Variants in PCDHGA10 observed in about 807,000 individuals in gnomAD.
PCDHGA10 encodes the protein protocadherin gamma subfamily A, 10, also known as protocadherin gamma-A10.
A neutral mutation model predicts 59.5 loss-of-function variants in PCDHGA10; 42 were observed. That is an observed-to-expected ratio of 0.71 (90% CI 0.55 to 0.91). The LOEUF is 0.91. Ranked by LOEUF, PCDHGA10 falls within the 40% of genes least tolerant of loss-of-function variation. PCDHGA10 has a pLI of 0.00. For missense variants in PCDHGA10, 1,111 were observed against 1,198.2 expected (o/e 0.93, Z 1.07); for synonymous variants, 511 against 517.2 (o/e 0.99, Z 0.16).
At chr5:141,510,315 G>A (rs2099880567) in intron 3 of PCDHGA10, among the ~76,000 whole-genome samples, 1 of 151,324 alleles carries the variant, frequency 6.6e-6, no homozygotes, top group African/African-American at 2.4e-5. Flanking sequence ...TGGAGGCTTG[G>A]AAGAGCACTC....
At chr5:141,420,883 C>A (rs992351503) in intron 1 of PCDHGA10, among the ~76,000 whole-genome samples, 1 of 152,216 alleles carries the variant, frequency 6.6e-6, no homozygotes, top group Non-Finnish European at 1.5e-5. Context: ...TATTGTGTAT[C>A]ATCGTTTTTA....
intron 1 of PCDHGA10, chr5:141,478,121 G>A (rs1393103666): frequency 1.2e-6 from 2 of 1,613,918 alleles, no homozygotes; most frequent in South Asian, 1.1e-5. Flanking sequence ...AGTAACCGAG[G>A]ACTCTCCTGA....
chr5:141,427,111 C>G (rs1324091636), intron 1 of PCDHGA10: 7 of 457,560 alleles, frequency 1.5e-5, no homozygotes, highest in South Asian at 1.1e-4. Context: ...GCGGAGATCA[C>G]CTACTCTTTC....
At chr5:141,443,820 T>A (rs1329478151) in intron 1 of PCDHGA10, among the ~76,000 whole-genome samples, 1 of 151,986 alleles carries the variant, frequency 6.6e-6, no homozygotes, top group Non-Finnish European at 1.5e-5. Context: ...TTGGAAAACA[T>A]AATTAGGTAA....
Position 141,414,361 on chromosome 5 carries a change from T to G in PCDHGA10, c.1186T>G (p.Phe396Val). Residue 396 changes from phenylalanine (F) to valine (V), a missense_variant, in exon 1 of 4, where the codon TTT (phenylalanine) becomes GTT (valine). Physicochemically the swap from Phe to Val is conservative, Grantham distance 50. Coordinates refer to ENST00000398610, the MANE Select transcript of PCDHGA10 (RefSeq NM_018913.3). The part of the protein sequence containing the change: ...VTCSILAYLP[F>V]KLEKSIDSYY... ...CTGTTCCATTTTGGCGTATCTACCA[T>G]TTAAATTAGAAAAGTCCATTGACAG... 6.2e-7 allele frequency: 1 copy of G among 1,613,876 alleles called. No individual in the cohort carries two copies. Among genetic ancestry groups the G allele is most frequent in the Non-Finnish European group, 8.5e-7 (1 of 1,179,870 alleles).
chr5:141,509,691 AC>A (rs1471858383), intron 3 of PCDHGA10, among the ~76,000 whole-genome samples: 5 of 152,064 alleles, frequency 3.3e-5, no homozygotes, highest in African/African-American at 1.2e-4. Flanking sequence ...GTACAGTGGG[AC>A]GTTGGACTGG....
In PCDHGA10 at chr5:141,490,376, C is replaced by T. The variant is rs761956816; in HGVS notation, c.2437-4431C>T. 2 of 1,614,184 alleles carry T rather than the reference C, an allele frequency of 1.2e-6. No individual in the cohort carries two copies. The highest frequency in any genetic ancestry group is 1.7e-6 in the Non-Finnish European group (2 of 1,180,036). ...TTGTTTAATGTGCGAGACCGGGACT[C>T]AGGTAGAAATGGTGAAGTGAGCCTT... is the stretch of plus-strand genomic sequence containing the variant. On this transcript the variant is annotated intron_variant, in intron 1 of 3. Transcript: ENST00000398610. The surrounding 1 kb of genome is among the most constrained non-coding windows in gnomAD (Gnocchi z 5.4).
chr5:141,491,662 A>C lies in PCDHGA10; in HGVS notation c.2437-3145A>C. 2 of 1,613,770 alleles carry C rather than the reference A, an allele frequency of 1.2e-6. No homozygotes were observed. The highest frequency in any genetic ancestry group is 1.7e-6 in the Non-Finnish European group (2 of 1,180,018). ...AGCTCTGGCGCTGGAGCCTGACGCC[A>C]TCCGGTCCCGCTCTAATACGCTGCG... On this transcript the variant is annotated intron_variant, in intron 1 of 3. Coordinates refer to ENST00000398610, the MANE Select transcript of PCDHGA10 (RefSeq NM_018913.3). This position sits in a 1 kb window ranked among gnomAD's most constrained non-coding sequence, Gnocchi z 6.9.
Position 141,491,170 on chromosome 5 carries a change from G to A in PCDHGA10, c.2437-3637G>A. The stretch of plus-strand genomic sequence containing the variant: ...GGAGGATGACTCTGACACCCAGCAG[G>A]TGGTGGTCCTGGTGAGGGACAATGG... On this transcript the variant is annotated intron_variant, in intron 1 of 3. Coordinates refer to ENST00000398610, the MANE Select transcript of PCDHGA10 (RefSeq NM_018913.3). The surrounding 1 kb of genome is among the most constrained non-coding windows in gnomAD (Gnocchi z 6.9). 6.2e-7 allele frequency: 1 copy of A among 1,614,176 alleles called. No individual in the cohort carries two copies. Among genetic ancestry groups the A allele is most frequent in the Non-Finnish European group, 8.5e-7 (1 of 1,179,996 alleles).
rs769153122 is a variant in PCDHGA10 at position 141,485,243 on chromosome 5, C to T, written c.2437-9564C>T. 8 of 1,614,062 alleles carry T rather than the reference C, an allele frequency of 5.0e-6. No homozygotes were observed. In the Admixed American group the frequency reaches 1.2e-4, roughly 24 times the overall value. ...TACCCTTTTGTTCCTCTTTTACCACCTGGGTTACGTTTGTGGGCAGATCCG... is the reference window on the plus strand; with the variant it reads ...TACCCTTTTGTTCCTCTTTTACCACTTGGGTTACGTTTGTGGGCAGATCCG... On this transcript the variant is annotated intron_variant, in intron 1 of 3. Transcript: ENST00000398610. The surrounding 1 kb of genome is among the most constrained non-coding windows in gnomAD (Gnocchi z 5.7).
At position 141,490,118 on chromosome 5, in the gene PCDHGA10, T is replaced by G. The variant is rs1448768968; in HGVS notation, c.2437-4689T>G. The G allele has an allele frequency of 6.2e-7, 1 of 1,614,158 alleles. No individual in the cohort carries two copies. Among genetic ancestry groups the G allele is most frequent in the Non-Finnish European group, 8.5e-7 (1 of 1,180,048 alleles). On this transcript the variant is annotated intron_variant, in intron 1 of 3. Transcript: ENST00000398610. This position sits in a 1 kb window ranked among gnomAD's most constrained non-coding sequence, Gnocchi z 5.4. ...ACATCTGAGGCAGTGCGGAACCTCT[T>G]TGGCCTAGACCCTAGCAGTGGGGCA...
chr5:141,478,315 A>G, intron 1 of PCDHGA10: 1 of 1,613,998 alleles, frequency 6.2e-7, no homozygotes, highest in Non-Finnish European at 8.5e-7. Flanking sequence ...CGGTGAGCTC[A>G]CTGTACCGAA....
chr5:141,476,535 T>C lies in PCDHGA10; in HGVS notation c.2437-18272T>C. 5 of 1,614,038 alleles carry C rather than the reference T, an allele frequency of 3.1e-6. No individual in the cohort carries two copies. The highest frequency in any genetic ancestry group is 4.2e-6 in the Non-Finnish European group (5 of 1,180,010). On this transcript the variant is annotated intron_variant, in intron 1 of 3. Coordinates refer to ENST00000398610, the MANE Select transcript of PCDHGA10 (RefSeq NM_018913.3). The surrounding 1 kb of genome is among the most constrained non-coding windows in gnomAD (Gnocchi z 7.6). ...AATCCTGCTTTCCCTACCCAGGAAA[T>C]GAAATTGGAGATTAGCGAGGCCGTG...
intron 1 of PCDHGA10, chr5:141,420,334 T>C: frequency 7.1e-7 from 1 of 1,402,910 alleles, no homozygotes; most frequent in Non-Finnish European, 9.5e-7. Flanking sequence ...TATATTCCAA[T>C]ATAGTGGTAT....
chr5:141,459,989 A>G (rs2098979714), intron 1 of PCDHGA10, among the ~76,000 whole-genome samples: 1 of 152,204 alleles, frequency 6.6e-6, no homozygotes, highest in Non-Finnish European at 1.5e-5. Flanking sequence ...GAGACAGGAG[A>G]ATCGCTTGAA....
chr5:141,475,984 G>C (rs1282216343), intron 1 of PCDHGA10: 1 of 1,069,308 alleles, frequency 9.4e-7, no homozygotes, highest in Non-Finnish European at 1.3e-6. Flanking sequence ...AACAGCCGGC[G>C]AGCAAATCAA....
rs1377364370 is a variant in PCDHGA10, at chr5:141,477,489, C to T, written c.2437-17318C>T. 1 of 1,614,048 alleles carries T rather than the reference C, an allele frequency of 6.2e-7. No homozygotes were observed. Among genetic ancestry groups the T allele is most frequent in the Non-Finnish European group, 8.5e-7 (1 of 1,180,044 alleles). On this transcript the variant is annotated intron_variant, in intron 1 of 3. Coordinates refer to ENST00000398610, the MANE Select transcript of PCDHGA10 (RefSeq NM_018913.3). This position sits in a 1 kb window ranked among gnomAD's most constrained non-coding sequence, Gnocchi z 4.9. ...ATCAATGACAACCCTCCACAATCTT[C>T]TCAATCTTCCTACGACGTTTACATT...
At chr5:141,445,420 T>C (rs968387442) in intron 1 of PCDHGA10, among the ~76,000 whole-genome samples, 3 of 152,204 alleles carry the variant, frequency 2.0e-5, no homozygotes, top group Admixed American at 6.5e-5. Context: ...GTCTGCTATA[T>C]GCAAGGCACT....
chr5:141,477,671 G>A lies in PCDHGA10; in HGVS notation c.2437-17136G>A, dbSNP rs1022028453. The A allele has an allele frequency of 1.2e-6, 2 of 1,614,198 alleles. No individual in the cohort carries two copies. Among genetic ancestry groups the A allele is most frequent in the Non-Finnish European group, 1.7e-6 (2 of 1,180,048 alleles). Reference sequence around the variant, plus strand: ...CACAATAAATCGTGACAATGGCATAGTGTCATCCTTAGTGCCCCTAGACTA... The same window carrying A: ...CACAATAAATCGTGACAATGGCATAATGTCATCCTTAGTGCCCCTAGACTA... On this transcript the variant is annotated intron_variant, in intron 1 of 3. Coordinates refer to ENST00000398610, the MANE Select transcript of PCDHGA10 (RefSeq NM_018913.3). This position sits in a 1 kb window ranked among gnomAD's most constrained non-coding sequence, Gnocchi z 4.9.
Sources: gnomAD v4.1 joint callset for allele counts (sites outside exome capture counted in the v4.1 genomes callset) on GRCh38, gnomAD v4.1.1 for gene constraint, Gnocchi (gnomAD v3.1) non-coding constraint, MANE v1.5 for transcripts, NCBI Gene and HGNC (gene_info 2026-07-23, HGNC 2026-07-21) for gene names.